CCZ1: variants seen among roughly 807,000 people sequenced by gnomAD.
CCZ1 encodes the protein CCZ1 vacuolar protein trafficking and biogenesis associated, also known as vacuolar fusion protein CCZ1 homolog.
A neutral mutation model predicts 57.8 loss-of-function variants in CCZ1; 19 were observed. That is an observed-to-expected ratio of 0.33 (90% CI 0.23 to 0.48). The LOEUF (loss-of-function observed/expected upper bound fraction) is 0.48, where lower values mean the gene tolerates loss of function less well. CCZ1 is among the 20% of genes least tolerant of loss of function. CCZ1 has a pLI of 0.99. For missense variants in CCZ1, 200 were observed against 492.0 expected (o/e 0.41, Z 5.61); for synonymous variants, 81 against 167.0 (o/e 0.49, Z 3.97).
chr7:5,912,581 G>C (rs1439752694), intron 9 of CCZ1, among the ~76,000 whole-genome samples: 2 of 147,512 alleles, frequency 1.4e-5, no homozygotes, highest in Non-Finnish European at 3.0e-5. Flanking sequence ...TGTAGTTTTA[G>C]TAGAGACGAG....
chr7:5,911,739 C>G, intron 8 of CCZ1, 122 bp from the exon 9 acceptor site: 1 of 1,230,836 alleles, frequency 8.1e-7, no homozygotes, highest in Non-Finnish European at 1.1e-6. Flanking sequence ...AGAACAAGAT[C>G]CTGTCTCTAA....
intron 7 of CCZ1, among the ~76,000 whole-genome samples, chr7:5,908,679 C>T (rs1223447635): frequency 6.8e-6 from 1 of 146,840 alleles, no homozygotes; most frequent in Non-Finnish European, 1.5e-5. Flanking sequence ...CGCGCCCGAC[C>T]ACCTTCACGG....
intron 5 of CCZ1, 185 bp from the exon 6 acceptor site, chr7:5,902,476 C>T (rs1781706490): frequency 8.8e-7 from 1 of 1,136,598 alleles, no homozygotes; most frequent in Admixed American, 3.5e-5. Context: ...GACAGCATCA[C>T]TTAACAGTAT....
chr7:5,911,112 C>T (rs1252469817), intron 8 of CCZ1, among the ~76,000 whole-genome samples: 1 of 149,018 alleles, frequency 6.7e-6, no homozygotes, highest in Non-Finnish European at 1.5e-5. Flanking sequence ...CTTGTGTAGT[C>T]TTTTCCTCTA....
Position 5,901,714 on chromosome 7 carries a change from G to A in CCZ1, c.438+10G>A, listed in dbSNP as rs1370108730. 3 of 1,598,194 alleles carry A rather than the reference G, an allele frequency of 1.9e-6. No individual in the cohort carries two copies. In the South Asian group the frequency reaches 3.4e-5, roughly 18 times the overall value. On this transcript the variant is annotated intron_variant, in intron 5 of 14. Transcript: ENST00000325974. ...CTACAGCATGTACAAGGTAAGCGTG[G>A]CGTTCTTTCTCAACTCAGAGTCCAG...
intron 4 of CCZ1, 112 bp downstream of exon 4, chr7:5,901,044 G>A: frequency 3.7e-6 from 2 of 535,468 alleles, no homozygotes; most frequent in Non-Finnish European, 6.1e-6. Flanking sequence ...AAGTTTCTCG[G>A]GGTATATAGC....
intron 12 of CCZ1, among the ~76,000 whole-genome samples, chr7:5,922,802 G>GGA (rs1397420312): frequency 6.8e-6 from 1 of 146,438 alleles, no homozygotes; most frequent in Non-Finnish European, 1.5e-5. Flanking sequence ...TAATTTCCAC[G>GGA]GGACACTCAT....
chr7:5,912,983 T>C (rs1779071427), intron 10 of CCZ1, 29 bp downstream of exon 10: 1 of 1,608,416 alleles, frequency 6.2e-7, no homozygotes. Flanking sequence ...CCAGCGTTAA[T>C]GATTGTGCTG....
rs113169603 is a variant in CCZ1 at position 5,909,107 on chromosome 7, T to A, written c.699-928T>A. 3.8e-3 allele frequency among the ~76,000 whole-genome samples: 90 copies of A among 23,998 alleles called. 3 individuals carry two copies. Among genetic ancestry groups the A allele is most frequent in the Admixed American group, 9.7e-3 (14 of 1,448 alleles). 15.7% of individuals were successfully genotyped at this position (23,998 alleles called of 152,430 possible). The stretch of plus-strand genomic sequence containing the variant: ...ACCAGCGAGTCCAATCCCTTGTGAC[T>A]TTTTTTTTTTTTTTATCTCAAATGG... On this transcript the variant is annotated intron_variant, in intron 7 of 14. Coordinates refer to ENST00000325974, the MANE Select transcript of CCZ1 (RefSeq NM_015622.6).
At position 5,925,913 on chromosome 7, in the gene CCZ1, T is replaced by C. The variant is rs1173237917; in HGVS notation, c.*226T>C. 1.0e-5 allele frequency: 7 copies of C among 694,482 alleles called. No individual in the cohort carries two copies. Among genetic ancestry groups the C allele is most frequent in the African/African-American group, 1.8e-5 (1 of 55,802 alleles). 43.0% of individuals were successfully genotyped at this position (694,482 alleles called of 1,614,324 possible). On this transcript the variant is annotated 3_prime_UTR_variant, in exon 15 of 15. Transcript: ENST00000325974. ...GCTATATCGCTATCATTTCATTCTTTTGACATTATGTGAATATTTTACTGG... is the reference window on the plus strand; with the variant it reads ...GCTATATCGCTATCATTTCATTCTTCTGACATTATGTGAATATTTTACTGG...
intron 6 of CCZ1, 125 bp from the exon 7 acceptor site, chr7:5,904,969 C>A: frequency 1.3e-5 from 16 of 1,245,296 alleles, no homozygotes; most frequent in Non-Finnish European, 1.8e-5. Context: ...CTCATTGTTG[C>A]GCTGTTTGCT....
At chr7:5,916,513 T>TGG (rs1779150608) in intron 10 of CCZ1, among the ~76,000 whole-genome samples, 2 of 128,936 alleles carry the variant, frequency 1.6e-5, no homozygotes, top group African/African-American at 3.0e-5. Flanking sequence ...TTGTTTTTTT[T>TGG]TTTTTTGGTT....
intron 1 of CCZ1, among the ~76,000 whole-genome samples, chr7:5,899,335 G>A (rs1202956134): frequency 0.014 from 11 of 790 alleles, no homozygotes; most frequent in African/African-American, 0.036. Context: ...CGGGAGGGGG[G>A]TGTGTGTGTG....
At chr7:5,904,101 T>TTTTC (rs1781748009) in intron 6 of CCZ1, among the ~76,000 whole-genome samples, 1 of 130,438 alleles carries the variant, frequency 7.7e-6, no homozygotes, top group South Asian at 2.9e-4. Context: ...TTTTTTTTTT[T>TTTTC]TTTTTTTTGA....
At chr7:5,906,980 G>A (rs1376670324) in intron 7 of CCZ1, among the ~76,000 whole-genome samples, 5 of 149,022 alleles carry the variant, frequency 3.4e-5, no homozygotes, top group Non-Finnish European at 5.9e-5. Flanking sequence ...CAATTCTCCT[G>A]CCTCAGCCTC....
In CCZ1 at chr7:5,901,713, G is replaced by A. The variant is rs369170918; in HGVS notation, c.438+9G>A. ...GCTACAGCATGTACAAGGTAAGCGT[G>A]GCGTTCTTTCTCAACTCAGAGTCCA... On this transcript the variant is annotated intron_variant, in intron 5 of 14. Coordinates refer to ENST00000325974, the MANE Select transcript of CCZ1 (RefSeq NM_015622.6). 19 of 1,598,018 alleles carry A rather than the reference G, an allele frequency of 1.2e-5. No homozygotes were observed. Among genetic ancestry groups the A allele is most frequent in the Non-Finnish European group, 1.4e-5 (17 of 1,176,508 alleles).
Position 5,905,739 on chromosome 7 carries a change from A to G in CCZ1, c.698+470A>G, listed in dbSNP as rs1393847919. ...GGAGGTTGCAGTGAGCCGAGATGGC[A>G]CCACTGTACCCCAGCCTGGCAACAG... On this transcript the variant is annotated intron_variant, in intron 7 of 14. Coordinates refer to ENST00000325974, the MANE Select transcript of CCZ1 (RefSeq NM_015622.6). Among the ~76,000 whole-genome samples the G allele has an allele frequency of 3.4e-4, 36 of 104,552 alleles. No individual in the cohort carries two copies. The East Asian group carries it at 0.02, about 58-fold the overall frequency. 68.6% of individuals were successfully genotyped at this position (104,552 alleles called of 152,430 possible). A position where few individuals can be genotyped will look rare whatever the true frequency, so the allele number is the denominator to read the frequency against.
At position 5,901,757 on chromosome 7, in the gene CCZ1, T is replaced by C. The variant is rs1361722970; in HGVS notation, c.438+53T>C. ...GAGTCCAGCCACTTACCCCTATCTC[T>C]AGGCTCCAGGGTTGTTTAAAGAGAA... On this transcript the variant is annotated intron_variant, in intron 5 of 14. Coordinates refer to ENST00000325974, the MANE Select transcript of CCZ1 (RefSeq NM_015622.6). The C allele has an allele frequency of 1.2e-5, 19 of 1,586,816 alleles. 1 individual carries two copies. Among genetic ancestry groups the C allele is most frequent in the Non-Finnish European group, 1.5e-5 (17 of 1,168,260 alleles).
intron 7 of CCZ1, among the ~76,000 whole-genome samples, chr7:5,906,008 G>C (rs1781807465): frequency 6.9e-6 from 1 of 144,146 alleles, no homozygotes; most frequent in South Asian, 2.4e-4. Context: ...CTCCCAAAGT[G>C]CTGGGATTAC....
Sources: gnomAD v4.1 joint callset for allele counts (sites outside exome capture counted in the v4.1 genomes callset) on GRCh38, gnomAD v4.1.1 for gene constraint, MANE v1.5 for transcripts, NCBI Gene and HGNC (gene_info 2026-07-23, HGNC 2026-07-21) for gene names.